Variants in BFSP1 observed in about 807,000 individuals in gnomAD.
BFSP1 encodes filensin.
BFSP1 carries 38 observed loss-of-function variants against 43.9 expected under a neutral mutation model. That is an observed-to-expected ratio of 0.87 (90% CI 0.67 to 1.14). The LOEUF (loss-of-function observed/expected upper bound fraction) is 1.14, where lower values mean the gene tolerates loss of function less well. BFSP1 is among the 50% of genes most tolerant of loss of function. The probability of loss-of-function intolerance (pLI) is 0.00; values close to 1 mark genes in which losing one functional copy is unlikely to be tolerated. For missense variants in BFSP1, 850 were observed against 875.1 expected (o/e 0.97, Z 0.36); for synonymous variants, 352 against 354.8 (o/e 0.99, Z 0.09).
intron 1 of BFSP1, among the ~76,000 whole-genome samples, chr20:17,555,201 T>C (rs1484389628): frequency 6.8e-6 from 1 of 147,452 alleles, no homozygotes; most frequent in African/African-American, 2.5e-5. Context: ...CATGGGAGGC[T>C]GTGGCAGGAG....
At chr20:17,499,947 C>A (rs976646371) in intron 5 of BFSP1, among the ~76,000 whole-genome samples, 1 of 151,998 alleles carries the variant, frequency 6.6e-6, no homozygotes, top group African/African-American at 2.4e-5. Context: ...AACTTGCTAT[C>A]GGTGGAATAA....
At chr20:17,568,886 G>A (rs757578827) in intron 1 of BFSP1, among the ~76,000 whole-genome samples, 1 of 151,916 alleles carries the variant, frequency 6.6e-6, no homozygotes, top group African/African-American at 2.4e-5. Flanking sequence ...TGATGTTCTC[G>A]GTAACCTAAA....
chr20:17,536,893 G>A (rs1386779447), intron 1 of BFSP1, among the ~76,000 whole-genome samples: 9 of 152,104 alleles, frequency 5.9e-5, no homozygotes, highest in Admixed American at 3.3e-4. Context: ...TGCTTATTAT[G>A]AGCAGAATTG....
chr20:17,566,841 A>G (rs1171612990), intron 1 of BFSP1, among the ~76,000 whole-genome samples: 1 of 151,982 alleles, frequency 6.6e-6, no homozygotes, highest in Non-Finnish European at 1.5e-5. Context: ...TTTAGTAGAG[A>G]CGGGGTTTCA....
chr20:17,509,413 C>A (rs576318390), intron 4 of BFSP1, among the ~76,000 whole-genome samples: 1 of 152,312 alleles, frequency 6.6e-6, no homozygotes, highest in East Asian at 1.9e-4. Context: ...GCCCTCCCAT[C>A]TGTAGTGTCC....
chr20:17,541,256 A>C (rs1224648142), intron 1 of BFSP1: 1 of 982,760 alleles, frequency 1.0e-6, no homozygotes, highest in African/African-American at 1.7e-5. Context: ...TAAAAGATAA[A>C]GTTTTTGCAT....
chr20:17,509,577 A>C (rs561198624), intron 4 of BFSP1, among the ~76,000 whole-genome samples: 1 of 138,352 alleles, frequency 7.2e-6, no homozygotes, highest in East Asian at 1.9e-4. Flanking sequence ...CCATGAACCT[A>C]CTAAGAGACT....
intron 1 of BFSP1, among the ~76,000 whole-genome samples, chr20:17,553,351 T>C (rs2034925765): frequency 6.6e-6 from 1 of 151,834 alleles, no homozygotes; most frequent in African/African-American, 2.4e-5. Context: ...ACAACTAAAA[T>C]CCATGGAATA....
At chr20:17,536,421 A>T (rs1232671065) in intron 1 of BFSP1, among the ~76,000 whole-genome samples, 1 of 152,132 alleles carries the variant, frequency 6.6e-6, no homozygotes, top group African/African-American at 2.4e-5. Context: ...AGTCTCAGAT[A>T]CTCAGGAGGC....
At chr20:17,538,675 A>G (rs1422791341) in intron 1 of BFSP1, among the ~76,000 whole-genome samples, 2 of 152,202 alleles carry the variant, frequency 1.3e-5, no homozygotes, top group Non-Finnish European at 2.9e-5. Context: ...ACATTGTCGT[A>G]CCAACTCATC....
At chr20:17,522,943 A>G (rs1293099491) in intron 2 of BFSP1, among the ~76,000 whole-genome samples, 1 of 152,194 alleles carries the variant, frequency 6.6e-6, no homozygotes, top group Non-Finnish European at 1.5e-5. Flanking sequence ...TCTGCAGCTC[A>G]CCTGCGGGCA....
chr20:17,555,333 A>C (rs1179852429), intron 1 of BFSP1, among the ~76,000 whole-genome samples: 2 of 149,788 alleles, frequency 1.3e-5, no homozygotes, highest in Non-Finnish European at 3.0e-5. Flanking sequence ...AGTTTTACTG[A>C]GAGTCACAAA....
chr20:17,565,056 G>GT (rs1251253455), intron 1 of BFSP1, among the ~76,000 whole-genome samples: 1 of 150,054 alleles, frequency 6.7e-6, no homozygotes, highest in Non-Finnish European at 1.5e-5. Context: ...CCCTAACAAA[G>GT]TAAGAAAAAA....
In BFSP1 at chr20:17,514,580, A is replaced by G. The variant is rs796067807; in HGVS notation, c.534+141T>C. ...CTCAGTAAGCACTGTCCAGTGACCA[A>G]TTCACCCCTATTTGGTTCGAGGGAA... On this transcript the variant is annotated intron_variant, in intron 3 of 7. Coordinates refer to ENST00000377873, the MANE Select transcript of BFSP1 (RefSeq NM_001195.5). 1.3e-5 allele frequency: 10 copies of G among 776,668 alleles called. No individual in the cohort carries two copies. The African/African-American group carries it at 1.5e-4, about 12-fold the overall frequency. 48.1% of individuals were successfully genotyped at this position (776,668 alleles called of 1,614,324 possible). A position where few individuals can be genotyped will look rare whatever the true frequency, so the allele number is the denominator to read the frequency against.
chr20:17,529,530 G>A (rs1019429974), intron 1 of BFSP1, among the ~76,000 whole-genome samples: 8 of 152,028 alleles, frequency 5.3e-5, no homozygotes, highest in African/African-American at 1.7e-4. Flanking sequence ...CTGTGTGTGT[G>A]TGTCTTTGTG....
chr20:17,566,749 G>A (rs2035124379), intron 1 of BFSP1, among the ~76,000 whole-genome samples: 1 of 152,134 alleles, frequency 6.6e-6, no homozygotes, highest in South Asian at 2.1e-4. Context: ...CTGCCTCCTG[G>A]GTTCAAGCAA....
intron 1 of BFSP1, among the ~76,000 whole-genome samples, chr20:17,553,850 C>CATATATAT (rs869119570): frequency 0.023 from 1,711 of 75,642 alleles, 173 homozygotes; most frequent in East Asian, 0.15. Flanking sequence ...CATATATATA[C>CATATATAT]ATATATATAC....
chr20:17,535,232 T>C (rs2123547740), upstream of BFSP1, among the ~76,000 whole-genome samples: 1 of 152,148 alleles, frequency 6.6e-6, no homozygotes, highest in East Asian at 1.9e-4. Flanking sequence ...TCTTAGAAAA[T>C]ACACTCTGAG....
At chr20:17,539,504 T>G (rs370459382) in intron 1 of BFSP1, among the ~76,000 whole-genome samples, 1 of 152,086 alleles carries the variant, frequency 6.6e-6, no homozygotes, top group Non-Finnish European at 1.5e-5. Context: ...CCCAGCACTT[T>G]GGGAGGCTGA....
Sources: allele counts gnomAD v4.1 joint callset (sites outside exome capture counted in the v4.1 genomes callset), GRCh38; gene constraint gnomAD v4.1.1; transcripts MANE v1.5; gene names NCBI Gene and HGNC (gene_info 2026-07-23, HGNC 2026-07-21).